AOAH: variants seen among roughly 807,000 people sequenced by gnomAD.
AOAH encodes the protein acyloxyacyl hydrolase (neutrophil).
In AOAH, 64 loss-of-function variants were observed where a neutral mutation model predicts 92.2. That is an observed-to-expected ratio of 0.69 (90% confidence interval 0.57 to 0.86). The LOEUF is 0.86. Ranked by LOEUF, AOAH falls within the 40% of genes least tolerant of loss-of-function variation. The pLI is 0.00. For synonymous variants in AOAH, 263 were observed against 254.5 expected (o/e 1.03, Z -0.32); for missense variants, 656 against 694.6 (o/e 0.94, Z 0.62).
At position 36,666,842 on chromosome 7, in the gene AOAH, G is replaced by A. The variant is rs145564494; in HGVS notation, c.290+7101C>T. On this transcript the variant is annotated intron_variant, in intron 3 of 20. Transcript: ENST00000617537. ...TCTTAGGTTCATATGTTATTTAGAA[G>A]TGTTTAATCTCCATGTATTTTGTGA... Among the ~76,000 whole-genome samples the A allele has an allele frequency of 5.7e-3, 866 of 152,212 alleles. 2 individuals are homozygous for A. The highest frequency in any genetic ancestry group is 7.5e-3 in the African/African-American group (313 of 41,544).
chr7:36,659,082 G>A (rs1421387635), intron 4 of AOAH, 84 bp downstream of exon 4: 23 of 1,150,506 alleles, frequency 2.0e-5, no homozygotes, highest in Non-Finnish European at 7.9e-6. Context: ...CACTGAGCGA[G>A]TAAAAGCTAA....
chr7:36,646,670 G>A (rs956189867), intron 4 of AOAH, among the ~76,000 whole-genome samples: 16 of 152,200 alleles, frequency 1.1e-4, no homozygotes, highest in African/African-American at 3.6e-4. Context: ...AAATCAAGGT[G>A]TCTGCAGGGT....
At chr7:36,688,861 G>A (rs1299603722) in intron 1 of AOAH, among the ~76,000 whole-genome samples, 1 of 151,794 alleles carries the variant, frequency 6.6e-6, no homozygotes. Flanking sequence ...ATGTATATGT[G>A]TATCTATACA....
At chr7:36,569,697 G>A (rs768996748) in intron 13 of AOAH, among the ~76,000 whole-genome samples, 11 of 151,766 alleles carry the variant, frequency 7.2e-5, no homozygotes, top group African/African-American at 1.5e-4. Flanking sequence ...TGCAACCTCC[G>A]CCTCCCGGGT....
At chr7:36,517,180 T>C (rs142455573) in intron 20 of AOAH, among the ~76,000 whole-genome samples, 57 of 58,250 alleles carry the variant, frequency 9.8e-4, no homozygotes, top group African/African-American at 3.3e-3. Flanking sequence ...CTTTCTTTCT[T>C]TCTTTCTTTC....
chr7:36,682,121 A>G (rs1796686286), intron 2 of AOAH, among the ~76,000 whole-genome samples: 2 of 152,250 alleles, frequency 1.3e-5, no homozygotes, highest in Admixed American at 1.3e-4. Context: ...TGGTGAATGC[A>G]AAGAGTTCAA....
intron 5 of AOAH, among the ~76,000 whole-genome samples, chr7:36,634,953 G>A (rs571001250): frequency 6.6e-6 from 1 of 152,274 alleles, no homozygotes; most frequent in East Asian, 1.9e-4. Context: ...GGGGTTAAGT[G>A]GGTGGCAGAT....
chr7:36,724,215 G>A lies in AOAH; in HGVS notation c.-67C>T, dbSNP rs1799834882. The A allele has an allele frequency of 3.8e-6, 6 of 1,587,018 alleles. 1 individual carries two copies. The South Asian group carries it at 6.7e-5, about 18-fold the overall frequency. ...CTCCCAACTGAGGGATGCTGGAGCT[G>A]AGGCTGCAGAATCAATTGATCTCTC... On this transcript the variant is annotated 5_prime_UTR_variant, in exon 1 of 21. Transcript: ENST00000617537.
At chr7:36,585,739 G>C (rs1789277307) in intron 12 of AOAH, among the ~76,000 whole-genome samples, 1 of 152,140 alleles carries the variant, frequency 6.6e-6, no homozygotes, top group Non-Finnish European at 1.5e-5. Context: ...TCCCAACAAA[G>C]TGTTCATTTC....
chr7:36,713,560 T>C (rs1345732010), intron 1 of AOAH, among the ~76,000 whole-genome samples: 1 of 152,152 alleles, frequency 6.6e-6, no homozygotes, highest in Non-Finnish European at 1.5e-5. Flanking sequence ...TATTCCAAAA[T>C]TGACCACATA....
At chr7:36,544,285 T>C (rs1302088106) in intron 15 of AOAH, among the ~76,000 whole-genome samples, 1 of 152,190 alleles carries the variant, frequency 6.6e-6, no homozygotes, top group African/African-American at 2.4e-5. Flanking sequence ...TGTGTACTTT[T>C]TCCCCTCTGG....
chr7:36,583,815 G>A (rs1789112178), intron 12 of AOAH, among the ~76,000 whole-genome samples: 1 of 152,232 alleles, frequency 6.6e-6, no homozygotes, highest in Admixed American at 6.5e-5. Flanking sequence ...TGAAGCAGGT[G>A]TAGCTCTCTC....
chr7:36,567,478 T>C (rs1787798120), intron 13 of AOAH, among the ~76,000 whole-genome samples: 1 of 152,174 alleles, frequency 6.6e-6, no homozygotes, highest in Non-Finnish European at 1.5e-5. Flanking sequence ...ATGGAGTATA[T>C]AAAGTACTTA....
chr7:36,533,796 T>G, intron 16 of AOAH, among the ~76,000 whole-genome samples: 1 of 151,886 alleles, frequency 6.6e-6, no homozygotes, highest in South Asian at 2.1e-4. Flanking sequence ...CCCTGGGTCC[T>G]CCACGTGCTC....
In AOAH at chr7:36,516,039, T is replaced by TCA. The variant is rs761775693; in HGVS notation, c.1600-2661_1600-2660dup. On this transcript the variant is annotated intron_variant, in intron 20 of 20. Coordinates refer to ENST00000617537, the MANE Select transcript of AOAH (RefSeq NM_001637.4). This position sits in a 1 kb window ranked among gnomAD's most constrained non-coding sequence, Gnocchi z 5.0. ...CAACCCCACACAACACATAAATACG[T>TCA]CACACACACACACACCACACACTAC... Among the ~76,000 whole-genome samples, 17 of 113,808 alleles carry TCA rather than the reference T, an allele frequency of 1.5e-4. No individual in the cohort carries two copies. The highest frequency in any genetic ancestry group is 3.0e-4 in the East Asian group (1 of 3,340). 74.7% of individuals were successfully genotyped at this position (113,808 alleles called of 152,430 possible).
At chr7:36,633,017 G>A (rs1018160664) in intron 5 of AOAH, among the ~76,000 whole-genome samples, 1 of 152,238 alleles carries the variant, frequency 6.6e-6, no homozygotes, top group African/African-American at 2.4e-5. Context: ...GGAGTGGAGG[G>A]CAAGGGTGGA....
intron 13 of AOAH, among the ~76,000 whole-genome samples, chr7:36,562,271 T>C (rs1455488226): frequency 6.6e-6 from 1 of 152,190 alleles, no homozygotes; most frequent in Non-Finnish European, 1.5e-5. Context: ...TACATAGACT[T>C]CTCCCCAGCT....
intron 16 of AOAH, among the ~76,000 whole-genome samples, chr7:36,538,343 A>G (rs975955042): frequency 6.6e-6 from 1 of 151,978 alleles, no homozygotes; most frequent in African/African-American, 2.4e-5. Context: ...TTACATTCTT[A>G]CATACATTTT....
intron 19 of AOAH, among the ~76,000 whole-genome samples, chr7:36,527,699 AG>A (rs1243789015): frequency 5.3e-5 from 8 of 152,224 alleles, no homozygotes; most frequent in Non-Finnish European, 8.8e-5. Flanking sequence ...AAGGAAACAA[AG>A]GCTGGGTGGT....
Sources: gnomAD v4.1 joint callset for allele counts (sites outside exome capture counted in the v4.1 genomes callset) on GRCh38, gnomAD v4.1.1 for gene constraint, Gnocchi (gnomAD v3.1) non-coding constraint, MANE v1.5 for transcripts, NCBI Gene and HGNC (gene_info 2026-07-23, HGNC 2026-07-21) for gene names.